HS3ST5: variants seen among roughly 807,000 people sequenced by gnomAD.
HS3ST5 encodes the protein heparan sulfate-glucosamine 3-sulfotransferase 5.
Under a neutral mutation model 25.4 loss-of-function variants are expected in HS3ST5, and 10 were observed. The observed-to-expected ratio is 0.39, with a 90% CI of 0.24 to 0.67. HS3ST5 has a LOEUF of 0.67. HS3ST5 is among the 30% of genes least tolerant of loss of function. HS3ST5 has a pLI of 0.44. For missense variants in HS3ST5, 324 were observed against 420.7 expected, an observed-to-expected ratio of 0.77 and a Z score of 2.01; for synonymous variants, 170 against 162.4, an observed-to-expected ratio of 1.05 and a Z score of -0.36.
chr6:114,253,297 C>T (rs188253740), intron 1 of HS3ST5, among the ~76,000 whole-genome samples: 2 of 152,062 alleles, frequency 1.3e-5, no homozygotes, highest in African/African-American at 2.4e-5. Flanking sequence ...AGATATTTTG[C>T]GTATTTGGAT....
intron 1 of HS3ST5, among the ~76,000 whole-genome samples, chr6:114,261,728 A>G (rs1000311343): frequency 2.0e-5 from 3 of 152,214 alleles, no homozygotes; most frequent in African/African-American, 7.2e-5. Flanking sequence ...CTTACATTAG[A>G]TATGTCCTCC....
chr6:114,277,652 T>C (rs1020340587), intron 1 of HS3ST5, among the ~76,000 whole-genome samples: 2 of 151,900 alleles, frequency 1.3e-5, no homozygotes, highest in African/African-American at 2.4e-5. Flanking sequence ...ATTTATTTCA[T>C]AGGCAAAGGG....
intron 3 of HS3ST5, among the ~76,000 whole-genome samples, chr6:114,074,656 T>C (rs1774015122): frequency 6.6e-6 from 1 of 152,176 alleles, no homozygotes; most frequent in Non-Finnish European, 1.5e-5. Context: ...TCCCAGCTTT[T>C]TTGCTTCTCC....
At chr6:114,285,786 CT>C (rs1217121536) in intron 1 of HS3ST5, among the ~76,000 whole-genome samples, 1 of 151,872 alleles carries the variant, frequency 6.6e-6, no homozygotes, top group Non-Finnish European at 1.5e-5. Flanking sequence ...ATGTAACAAA[CT>C]TGCACATCCT....
At chr6:114,198,582 G>GTGTAA in intron 2 of HS3ST5, among the ~76,000 whole-genome samples, 1 of 152,090 alleles carries the variant, frequency 6.6e-6, no homozygotes, top group South Asian at 2.1e-4. Flanking sequence ...TCTACACATC[G>GTGTAA]GCAGAGCTGA....
chr6:114,173,905 C>G (rs1426014443), intron 2 of HS3ST5, among the ~76,000 whole-genome samples: 1 of 151,958 alleles, frequency 6.6e-6, no homozygotes, highest in Non-Finnish European at 1.5e-5. Flanking sequence ...ACAAAAAACC[C>G]AAAAACAAAA....
intron 3 of HS3ST5, among the ~76,000 whole-genome samples, chr6:114,138,617 G>T (rs1297381023): frequency 6.6e-6 from 1 of 152,186 alleles, no homozygotes; most frequent in Non-Finnish European, 1.5e-5. Context: ...ACACTTGACA[G>T]TCCTTTGTAC....
chr6:114,190,231 A>G (rs552925277), intron 2 of HS3ST5, among the ~76,000 whole-genome samples: 4 of 152,208 alleles, frequency 2.6e-5, no homozygotes, highest in South Asian at 2.1e-4. Flanking sequence ...CTCTTAATCA[A>G]TCTTCCTGTT....
chr6:114,174,615 C>A (rs1779633858), intron 2 of HS3ST5, among the ~76,000 whole-genome samples: 1 of 152,162 alleles, frequency 6.6e-6, no homozygotes, highest in Non-Finnish European at 1.5e-5. Context: ...TGGGTTAACA[C>A]TAATGTTCCC....
chr6:114,247,726 C>T (rs562777443), intron 1 of HS3ST5, among the ~76,000 whole-genome samples: 24 of 151,668 alleles, frequency 1.6e-4, no homozygotes, highest in African/African-American at 5.8e-4. Flanking sequence ...TGCTGCATCT[C>T]ATATTTGCAT....
intron 1 of HS3ST5, among the ~76,000 whole-genome samples, chr6:114,299,560 C>G (rs950169296): frequency 6.6e-5 from 10 of 152,102 alleles, no homozygotes; most frequent in Admixed American, 6.6e-4. Flanking sequence ...ATGTCTCCCC[C>G]GGATGCCCAG....
intron 1 of HS3ST5, among the ~76,000 whole-genome samples, chr6:114,320,701 C>T (rs1156286833): frequency 6.6e-6 from 1 of 151,990 alleles, no homozygotes; most frequent in Non-Finnish European, 1.5e-5. Context: ...CCTTACATCA[C>T]CTTAACCAAA....
chr6:114,242,946 T>C (rs1772208120), intron 1 of HS3ST5, among the ~76,000 whole-genome samples: 1 of 152,190 alleles, frequency 6.6e-6, no homozygotes, highest in Non-Finnish European at 1.5e-5. Context: ...TTGCTCACAT[T>C]AGTGAGCATG....
chr6:114,131,418 G>C (rs1220238623), intron 3 of HS3ST5, among the ~76,000 whole-genome samples: 1 of 152,118 alleles, frequency 6.6e-6, no homozygotes, highest in Non-Finnish European at 1.5e-5. Flanking sequence ...GTAAAAAACT[G>C]CAAAGTATTT....
At chr6:114,280,362 AG>A (rs1282499179) in intron 1 of HS3ST5, among the ~76,000 whole-genome samples, 1 of 151,932 alleles carries the variant, frequency 6.6e-6, no homozygotes, top group Non-Finnish European at 1.5e-5. Flanking sequence ...TGAGCCTGAA[AG>A]GAGACTGTGG....
At chr6:114,087,529 G>A (rs1774900335) in intron 3 of HS3ST5, among the ~76,000 whole-genome samples, 1 of 152,174 alleles carries the variant, frequency 6.6e-6, no homozygotes, top group Non-Finnish European at 1.5e-5. Context: ...AAAGCCTGGT[G>A]CAGTTCATTA....
At chr6:114,149,990 A>G (rs568092137) in intron 3 of HS3ST5, among the ~76,000 whole-genome samples, 6 of 152,318 alleles carry the variant, frequency 3.9e-5, no homozygotes, top group East Asian at 1.9e-4. Context: ...TAGCCAAAAG[A>G]TAAGTGAGGC....
chr6:114,181,580 A>G (rs1379509891), intron 2 of HS3ST5, among the ~76,000 whole-genome samples: 1 of 152,192 alleles, frequency 6.6e-6, no homozygotes, highest in Non-Finnish European at 1.5e-5. Context: ...TATCACAAAG[A>G]AAAAAATAAC....
chr6:114,254,055 AAAAG>A (rs931317650), intron 1 of HS3ST5, among the ~76,000 whole-genome samples: 1 of 152,136 alleles, frequency 6.6e-6, no homozygotes, highest in African/African-American at 2.4e-5. Flanking sequence ...AGGAGAGGAG[AAAAG>A]AGAGAGAAGA....
Sources: gnomAD v4.1 joint callset for allele counts (sites outside exome capture counted in the v4.1 genomes callset) on GRCh38, gnomAD v4.1.1 for gene constraint, MANE v1.5 for transcripts, NCBI Gene and HGNC (gene_info 2026-07-23, HGNC 2026-07-21) for gene names.